Variants in ZNF423 observed in about 807,000 individuals in gnomAD.
ZNF423 encodes zinc finger protein 423, also known as Ebf-associated zinc finger protein.
Under a neutral mutation model 95.8 loss-of-function variants are expected in ZNF423, and 12 were observed. The observed-to-expected ratio is 0.13, with a 90% confidence interval of 0.08 to 0.20. ZNF423 has a LOEUF of 0.20. Ranked by LOEUF, ZNF423 falls within the 10% of genes least tolerant of loss-of-function variation. The pLI, the probability that ZNF423 is intolerant of heterozygous loss-of-function variation, is 1.00. For missense variants in ZNF423, 1,316 were observed against 1,737.1 expected (o/e 0.76, Z 4.31); for synonymous variants, 749 against 711.9 (o/e 1.05, Z -0.83).
At chr16:49,620,819 G>T (rs1254429975) in intron 5 of ZNF423, among the ~76,000 whole-genome samples, 1 of 152,154 alleles carries the variant, frequency 6.6e-6, no homozygotes. Context: ...TAAAAGTAAG[G>T]CCTCTCCAGC....
intron 3 of ZNF423, among the ~76,000 whole-genome samples, chr16:49,720,586 AC>A (rs1487934281): frequency 4.6e-5 from 7 of 152,176 alleles, no homozygotes; most frequent in Non-Finnish European, 2.9e-5. Context: ...CCACATTCAA[AC>A]CAAAAAAGGT....
At chr16:49,566,873 G>A (rs1970209836) in intron 5 of ZNF423, among the ~76,000 whole-genome samples, 1 of 152,036 alleles carries the variant, frequency 6.6e-6, no homozygotes, top group Non-Finnish European at 1.5e-5. Flanking sequence ...GCAACCTTGA[G>A]ACAGGGTAGC....
upstream of ZNF423, among the ~76,000 whole-genome samples, chr16:49,856,306 C>A (rs1299605333): frequency 6.8e-6 from 1 of 147,728 alleles, no homozygotes; most frequent in Non-Finnish European, 1.5e-5. Context: ...GGCCACGCAG[C>A]CCGGTGCGGA....
rs148977461 is a variant in ZNF423 at position 49,633,161 on chromosome 16, G to A, written c.3516+2499C>T. Among the ~76,000 whole-genome samples the A allele has an allele frequency of 1.3e-4, 20 of 152,356 alleles. 1 individual carries two copies. In the East Asian group the frequency reaches 3.9e-3, roughly 29 times the overall value. ...CTCAGCTCTCGAAAGCTGGGGGCTT[G>A]AGGCAAGCAACCTCATTGTGGTATG... On this transcript the variant is annotated intron_variant, in intron 4 of 7. Transcript: ENST00000563137.
In ZNF423 at chr16:49,638,540, G is replaced by C; in HGVS notation, c.636C>G (p.Ser212=). Residue 212 remains serine (S), a synonymous_variant, in exon 4 of 8, where the codon TCC becomes TCG. Coordinates refer to ENST00000563137, the MANE Select transcript of ZNF423 (RefSeq NM_001379286.1). The surrounding 1 kb of genome is among the most constrained non-coding windows in gnomAD (Gnocchi z 5.6). ...YHCHECEAAF[S]RSDHLKIHLK... is the part of the protein sequence containing the mutation. ...GGTGGATCTTGAGGTGGTCGCTGCG[G>C]GAGAAGGCTGCCTCGCACTCGTGGC... 6.2e-7 allele frequency: 1 copy of C among 1,613,784 alleles called. No individual in the cohort carries two copies. The highest frequency in any genetic ancestry group is 8.5e-7 in the Non-Finnish European group (1 of 1,180,010).
chr16:49,777,292 G>A (rs1402145181), intron 2 of ZNF423, among the ~76,000 whole-genome samples: 1 of 152,222 alleles, frequency 6.6e-6, no homozygotes. Context: ...GGTGGTACAT[G>A]TGCATTGTGT....
At chr16:49,714,509 T>G (rs2032643290) in intron 3 of ZNF423, among the ~76,000 whole-genome samples, 1 of 151,258 alleles carries the variant, frequency 6.6e-6, no homozygotes, top group Non-Finnish European at 1.5e-5. Flanking sequence ...ATACAAAAAA[T>G]TAGCCAGGTG....
chr16:49,766,549 G>C (rs573909456), intron 2 of ZNF423, among the ~76,000 whole-genome samples: 3 of 152,234 alleles, frequency 2.0e-5, no homozygotes, highest in Admixed American at 2.0e-4. Flanking sequence ...GGCTCTGGGG[G>C]ACTCCCAGTC....
At chr16:49,773,130 C>T (rs1273746207) in intron 2 of ZNF423, among the ~76,000 whole-genome samples, 8 of 152,122 alleles carry the variant, frequency 5.3e-5, no homozygotes, top group African/African-American at 1.9e-4. Flanking sequence ...ACCAGCCTGG[C>T]CAACATGGCA....
At chr16:49,688,498 T>C (rs2031655606) in intron 3 of ZNF423, among the ~76,000 whole-genome samples, 1 of 152,152 alleles carries the variant, frequency 6.6e-6, no homozygotes, top group Non-Finnish European at 1.5e-5. Flanking sequence ...GGAAGATGTC[T>C]TGCTGGCAGC....
At chr16:49,677,265 A>G (rs1333518931) in intron 3 of ZNF423, among the ~76,000 whole-genome samples, 2 of 59,378 alleles carry the variant, frequency 3.4e-5, no homozygotes, top group African/African-American at 1.3e-4. Flanking sequence ...AGAGAAGAGA[A>G]GAGAAGAGAA....
At position 49,796,295 on chromosome 16, in the gene ZNF423, A is replaced by T. The variant is rs192375570; in HGVS notation, c.41-6749T>A. Among the ~76,000 whole-genome samples, 199 of 151,804 alleles carry T rather than the reference A, an allele frequency of 1.3e-3. 1 individual carries two copies. Among genetic ancestry groups the T allele is most frequent in the African/African-American group, 4.6e-3 (192 of 41,342 alleles). On this transcript the variant is annotated intron_variant, in intron 1 of 7. Coordinates refer to ENST00000563137, the MANE Select transcript of ZNF423 (RefSeq NM_001379286.1). Reference sequence around the variant, plus strand: ...TGTGTGCCAGGCCTCTGGATTTCAGATATCCAGTGGCACAGAGCAAGTGGC... The same window carrying T: ...TGTGTGCCAGGCCTCTGGATTTCAGTTATCCAGTGGCACAGAGCAAGTGGC...
chr16:49,766,678 G>A (rs2033934998), intron 2 of ZNF423, among the ~76,000 whole-genome samples: 1 of 152,260 alleles, frequency 6.6e-6, no homozygotes, highest in Non-Finnish European at 1.5e-5. Flanking sequence ...CTGAGGCCCA[G>A]TCTGAAACCA....
At chr16:49,495,253 A>G (rs1445325610) in intron 7 of ZNF423, among the ~76,000 whole-genome samples, 1 of 152,150 alleles carries the variant, frequency 6.6e-6, no homozygotes, top group East Asian at 1.9e-4. Context: ...GCTCTCCTGG[A>G]TGGAGGTTTC....
chr16:49,530,386 G>C (rs556215476), intron 5 of ZNF423, among the ~76,000 whole-genome samples: 2 of 151,816 alleles, frequency 1.3e-5, no homozygotes, highest in East Asian at 3.9e-4. Flanking sequence ...CCTGGATAGC[G>C]CTTACTACCA....
chr16:49,535,492 C>CA (rs1969028949), intron 5 of ZNF423, among the ~76,000 whole-genome samples: 1 of 152,194 alleles, frequency 6.6e-6, no homozygotes, highest in African/African-American at 2.4e-5. Context: ...AGGTCCCGGA[C>CA]ATAACACCAA....
intron 3 of ZNF423, among the ~76,000 whole-genome samples, chr16:49,661,176 C>T (rs12927931): frequency 0.16 from 24,470 of 149,998 alleles, 2,353 homozygotes; most frequent in Non-Finnish European, 0.21. Flanking sequence ...CGAGATCGCA[C>T]CATTGCACTC....
intron 3 of ZNF423, among the ~76,000 whole-genome samples, chr16:49,709,240 A>G (rs2032466402): frequency 6.6e-6 from 1 of 150,404 alleles, no homozygotes. Context: ...TGACTTCAGA[A>G]GCACCATCAT....
chr16:49,691,401 T>G (rs2031774982), intron 3 of ZNF423, among the ~76,000 whole-genome samples: 1 of 152,224 alleles, frequency 6.6e-6, no homozygotes, highest in Non-Finnish European at 1.5e-5. Context: ...AGCAAGTTAC[T>G]GAACATCTCT....
Sources: gnomAD v4.1 joint callset for allele counts (sites outside exome capture counted in the v4.1 genomes callset) on GRCh38, gnomAD v4.1.1 for gene constraint, Gnocchi (gnomAD v3.1) non-coding constraint, MANE v1.5 for transcripts, NCBI Gene and HGNC (gene_info 2026-07-23, HGNC 2026-07-21) for gene names.